Variants in TYW1 observed in about 807,000 individuals in gnomAD.
The protein encoded by TYW1 is tRNA-yW synthesizing protein 1 homolog.
Under a neutral mutation model 96.2 loss-of-function variants are expected in TYW1, and 46 were observed. The observed-to-expected ratio is 0.48, with a 90% confidence interval of 0.38 to 0.61. TYW1 has a LOEUF of 0.61. TYW1 is among the 20% of genes least tolerant of loss of function. TYW1 has a pLI of 0.00. For missense variants in TYW1, 684 were observed against 909.6 expected (o/e 0.75, Z 3.19); for synonymous variants, 274 against 323.0 (o/e 0.85, Z 1.63).
chr7:67,153,023 A>C (rs747468942), intron 13 of TYW1, among the ~76,000 whole-genome samples: 1 of 152,110 alleles, frequency 6.6e-6, no homozygotes, highest in Non-Finnish European at 1.5e-5. Flanking sequence ...CAGTCACATC[A>C]CACCAGGGGG....
intron 7 of TYW1, among the ~76,000 whole-genome samples, chr7:67,044,046 A>G (rs1795108874): frequency 1.3e-5 from 2 of 151,696 alleles, no homozygotes; most frequent in African/African-American, 4.8e-5. Flanking sequence ...TTTCAGTGAT[A>G]TAATTTTTAT....
At chr7:67,041,303 GT>G (rs1795011225) in intron 7 of TYW1, among the ~76,000 whole-genome samples, 1 of 151,698 alleles carries the variant, frequency 6.6e-6, no homozygotes, top group African/African-American at 2.4e-5. Context: ...CTGGCATTTT[GT>G]TTTTTCTTTT....
At position 67,069,730 on chromosome 7, in the gene TYW1, C is replaced by A. The variant is rs1257300655; in HGVS notation, c.1274+2327C>A. Among the ~76,000 whole-genome samples the A allele has an allele frequency of 3.3e-5, 5 of 152,110 alleles. No homozygotes were observed. In the South Asian group the frequency reaches 1.0e-3, roughly 32 times the overall value. On this transcript the variant is annotated intron_variant, in intron 10 of 15. Transcript: ENST00000359626. ...CTCCAGCCTGGGTGGCAGAGCAAGA[C>A]CCTGTCTCAAAACAAACAAATGAAA... is the stretch of plus-strand genomic sequence containing the variant.
intron 13 of TYW1, among the ~76,000 whole-genome samples, chr7:67,136,683 GTGTA>G (rs1396828244): frequency 5.2e-4 from 54 of 104,558 alleles, no homozygotes; most frequent in East Asian, 2.0e-3. Context: ...GTGTGTGTGT[GTGTA>G]TATATATATA....
intron 7 of TYW1, among the ~76,000 whole-genome samples, chr7:67,027,283 G>A (rs1399044661): frequency 1.3e-5 from 2 of 151,982 alleles, no homozygotes; most frequent in Admixed American, 1.3e-4. Flanking sequence ...GCTAAATGCT[G>A]AATGTTGAAA....
intron 15 of TYW1, among the ~76,000 whole-genome samples, chr7:67,237,568 ATTAG>A (rs1760941672): frequency 1.3e-5 from 2 of 151,528 alleles, no homozygotes; most frequent in South Asian, 2.1e-4. Context: ...GTATCAGCAT[ATTAG>A]TTAATACATT....
At chr7:67,131,472 C>G (rs1414609704) in intron 13 of TYW1, among the ~76,000 whole-genome samples, 1 of 152,188 alleles carries the variant, frequency 6.6e-6, no homozygotes, top group Non-Finnish European at 1.5e-5. Flanking sequence ...TCTATCCTAT[C>G]ATACTTCTTT....
chr7:67,095,831 C>T (rs1401631731), intron 11 of TYW1, among the ~76,000 whole-genome samples: 2 of 152,062 alleles, frequency 1.3e-5, no homozygotes, highest in Non-Finnish European at 2.9e-5. Flanking sequence ...AAAATAAAAT[C>T]ACTTTCTGAA....
chr7:67,196,671 T>A (rs1339138428), intron 15 of TYW1, among the ~76,000 whole-genome samples: 3 of 151,468 alleles, frequency 2.0e-5, no homozygotes, highest in Admixed American at 6.6e-5. Flanking sequence ...AGTCCATTGA[T>A]CTTTTTTATA....
intron 13 of TYW1, among the ~76,000 whole-genome samples, chr7:67,172,048 T>A (rs1799529498): frequency 6.6e-6 from 1 of 152,162 alleles, no homozygotes; most frequent in Non-Finnish European, 1.5e-5. Context: ...GTGTTTATAG[T>A]TTGCATGAAA....
chr7:67,095,391 A>G (rs3107884), intron 11 of TYW1, among the ~76,000 whole-genome samples: 7 of 151,864 alleles, frequency 4.6e-5, no homozygotes, highest in Admixed American at 4.6e-4. Flanking sequence ...TCCCTTCAAT[A>G]AACCCTATGT....
In TYW1 at chr7:67,208,645, G is replaced by A. The variant is rs374127552; in HGVS notation, c.1977+13308G>A. Among the ~76,000 whole-genome samples, 16 of 147,680 alleles carry A rather than the reference G, an allele frequency of 1.1e-4. No homozygotes were observed. The South Asian group carries it at 3.0e-3, about 28-fold the overall frequency. On this transcript the variant is annotated intron_variant, in intron 15 of 15. Transcript: ENST00000359626. ...GCGGAGGTTGCAGTGAGCCGAGATCGCGCCACTGCACTCTAGCCAGGGCAA... is the reference window on the plus strand; with the variant it reads ...GCGGAGGTTGCAGTGAGCCGAGATCACGCCACTGCACTCTAGCCAGGGCAA...
At chr7:67,115,485 C>G (rs1797566004) in intron 12 of TYW1, among the ~76,000 whole-genome samples, 1 of 152,174 alleles carries the variant, frequency 6.6e-6, no homozygotes, top group African/African-American at 2.4e-5. Flanking sequence ...GGATCTTAAT[C>G]ACCTCTGTCC....
At chr7:67,086,479 C>T (rs917799353) in intron 11 of TYW1, among the ~76,000 whole-genome samples, 16 of 151,744 alleles carry the variant, frequency 1.1e-4, no homozygotes, top group Non-Finnish European at 1.9e-4. Flanking sequence ...GAGAGAGAGA[C>T]AGAAAGAGAG....
At chr7:67,006,091 C>T (rs1421270612) in intron 3 of TYW1, among the ~76,000 whole-genome samples, 1 of 152,128 alleles carries the variant, frequency 6.6e-6, no homozygotes, top group Admixed American at 6.6e-5. Context: ...CCAAATCTTA[C>T]GTCGGATCGT....
chr7:67,029,936 A>T (rs898253270), intron 7 of TYW1, among the ~76,000 whole-genome samples: 1 of 152,082 alleles, frequency 6.6e-6, no homozygotes, highest in Non-Finnish European at 1.5e-5. Context: ...CAGTTTTATT[A>T]TAAAGGCCAC....
At chr7:67,177,590 A>G (rs984233348) in intron 13 of TYW1, among the ~76,000 whole-genome samples, 4 of 152,246 alleles carry the variant, frequency 2.6e-5, no homozygotes, top group African/African-American at 9.6e-5. Context: ...AGAGATACAG[A>G]TAGCCAGAAA....
In TYW1 at chr7:67,041,651, G is replaced by A. The variant is rs577408957; in HGVS notation, c.985-8298G>A. Among the ~76,000 whole-genome samples the A allele has an allele frequency of 4.6e-5, 7 of 152,152 alleles. No homozygotes were observed. In the East Asian group the frequency reaches 1.4e-3, roughly 29 times the overall value. On this transcript the variant is annotated intron_variant, in intron 7 of 15. Coordinates refer to ENST00000359626, the MANE Select transcript of TYW1 (RefSeq NM_018264.4). ...CTCACACATTCCCCGAATGCTTTCC[G>A]CGTGATCATCCATGACACACCACAT...
chr7:67,130,557 G>C (rs1262022377), intron 13 of TYW1, among the ~76,000 whole-genome samples: 2 of 151,768 alleles, frequency 1.3e-5, no homozygotes, highest in Non-Finnish European at 2.9e-5. Context: ...CCAGCTACTC[G>C]GGAGGCTGAG....
Sources: gnomAD v4.1 joint callset for allele counts (sites outside exome capture counted in the v4.1 genomes callset) on GRCh38, gnomAD v4.1.1 for gene constraint, MANE v1.5 for transcripts, NCBI Gene and HGNC (gene_info 2026-07-23, HGNC 2026-07-21) for gene names.